FAM53B: variants seen among roughly 807,000 people sequenced by gnomAD.
The protein encoded by FAM53B is family with sequence similarity 53 member B, also known as protein FAM53B.
FAM53B carries 12 observed loss-of-function variants against 32.7 expected under a neutral mutation model. That is an observed-to-expected ratio of 0.37 (90% CI 0.24 to 0.59). The LOEUF (loss-of-function observed/expected upper bound fraction) is 0.59, where lower values mean the gene tolerates loss of function less well. Ranked by LOEUF, FAM53B falls within the 20% of genes least tolerant of loss-of-function variation. FAM53B has a pLI of 0.72. For synonymous variants in FAM53B, 234 were observed against 228.7 expected (o/e 1.02, Z -0.21); for missense variants, 477 against 577.7 (o/e 0.83, Z 1.79).
chr10:124,668,055 T>C (rs1034457622), intron 4 of FAM53B, among the ~76,000 whole-genome samples: 1 of 152,200 alleles, frequency 6.6e-6, no homozygotes, highest in Non-Finnish European at 1.5e-5. Flanking sequence ...GGCCAGACAC[T>C]GCCTTCCATT....
chr10:124,722,074 G>C (rs779477376), intron 1 of FAM53B, among the ~76,000 whole-genome samples: 2 of 152,168 alleles, frequency 1.3e-5, no homozygotes, highest in Non-Finnish European at 2.9e-5. Flanking sequence ...ATTTGTTAAA[G>C]GATACAAAAT....
At chr10:124,666,900 AGGGC>A (rs1949676290) in intron 4 of FAM53B, among the ~76,000 whole-genome samples, 1 of 152,232 alleles carries the variant, frequency 6.6e-6, no homozygotes, top group Non-Finnish European at 1.5e-5. Flanking sequence ...CCCGAGGCAG[AGGGC>A]ACAGCCCAGA....
intron 3 of FAM53B, among the ~76,000 whole-genome samples, chr10:124,684,322 A>G (rs964494909): frequency 2.0e-5 from 3 of 152,344 alleles, no homozygotes; most frequent in East Asian, 1.9e-4. Flanking sequence ...GCAGGTCTCA[A>G]TATCTGCTCC....
At chr10:124,647,347 G>GTGTT (rs1454415242) in intron 4 of FAM53B, among the ~76,000 whole-genome samples, 5 of 152,106 alleles carry the variant, frequency 3.3e-5, no homozygotes, top group African/African-American at 1.2e-4. Flanking sequence ...CAGGCCTCGG[G>GTGTT]TGTTTCTCTT....
At chr10:124,711,945 C>T (rs1056117234) in intron 1 of FAM53B, among the ~76,000 whole-genome samples, 3 of 151,720 alleles carry the variant, frequency 2.0e-5, no homozygotes, top group Non-Finnish European at 4.4e-5. Context: ...TGCCTGTAGT[C>T]GCAGGTACTC....
At chr10:124,697,268 G>A (rs750248572) in intron 2 of FAM53B, among the ~76,000 whole-genome samples, 8 of 152,138 alleles carry the variant, frequency 5.3e-5, no homozygotes, top group Non-Finnish European at 1.0e-4. Context: ...CCAGAGAAAT[G>A]AGCCTGTCAC....
At chr10:124,674,079 C>T (rs10901803) in intron 4 of FAM53B, among the ~76,000 whole-genome samples, 32 of 152,208 alleles carry the variant, frequency 2.1e-4, no homozygotes, top group Middle Eastern at 3.4e-3. Flanking sequence ...GCCTCTACCA[C>T]GTGGCAATAA....
At chr10:124,687,694 T>C (rs570556040) in intron 3 of FAM53B, among the ~76,000 whole-genome samples, 1 of 152,278 alleles carries the variant, frequency 6.6e-6, no homozygotes, top group East Asian at 1.9e-4. Context: ...TTGGGGGTGT[T>C]TGTTAAAATG....
At chr10:124,740,767 G>T (rs1248874583) in intron 1 of FAM53B, among the ~76,000 whole-genome samples, 1 of 152,342 alleles carries the variant, frequency 6.6e-6, no homozygotes, top group East Asian at 1.9e-4. Flanking sequence ...AGTTGAGGGA[G>T]AACAATCAAC....
At chr10:124,637,179 TC>T (rs570142613) in intron 4 of FAM53B, among the ~76,000 whole-genome samples, 41 of 152,132 alleles carry the variant, frequency 2.7e-4, no homozygotes, top group African/African-American at 9.6e-4. Context: ...TCTGGGGACC[TC>T]CATCTCTCCT....
At chr10:124,644,301 C>T (rs1246345241) in intron 4 of FAM53B, among the ~76,000 whole-genome samples, 1 of 152,252 alleles carries the variant, frequency 6.6e-6, no homozygotes, top group Non-Finnish European at 1.5e-5. Context: ...CCAGTGACAG[C>T]TAAGACCGCA....
rs553656039 is a variant in FAM53B, at chr10:124,708,922, G to A, written c.-174-2035C>T. 2.6e-5 allele frequency among the ~76,000 whole-genome samples: 4 copies of A among 152,336 alleles called. No individual in the cohort carries two copies. The South Asian group carries it at 8.3e-4, about 32-fold the overall frequency. The stretch of plus-strand genomic sequence containing the variant: ...AGCTCTTGAAATACATTGTTTGAGT[G>A]GCCTTTGCCAAGTTACTCTCAGAGC... On this transcript the variant is annotated intron_variant, in intron 1 of 4. Coordinates refer to ENST00000337318, the MANE Select transcript of FAM53B (RefSeq NM_014661.4).
In FAM53B at chr10:124,744,018, G is replaced by A; in HGVS notation, c.-180C>T. On this transcript the variant is annotated 5_prime_UTR_variant, in exon 1 of 5. Transcript: ENST00000337318. The stretch of plus-strand genomic sequence containing the variant: ...CCCGGCCCCGGGTCGCTTACTGTGC[G>A]CGGCGGGGCGCTCCGGGCGCGGACC... 6.8e-6 allele frequency: 1 copy of A among 147,992 alleles called. No individual in the cohort carries two copies. Among genetic ancestry groups the A allele is most frequent in the South Asian group, 1.9e-4 (1 of 5,146 alleles). The allele number at this position is 147,992 out of a possible 1,614,324, so 9.2% of individuals were successfully genotyped here.
chr10:124,703,721 G>A (rs1589756380), intron 2 of FAM53B: 1 of 152,446 alleles, frequency 6.6e-6, no homozygotes, highest in East Asian at 1.9e-4. Flanking sequence ...GGGTGGTTCT[G>A]GGCCCGGACA....
intron 1 of FAM53B, among the ~76,000 whole-genome samples, chr10:124,709,642 C>T (rs1455826487): frequency 6.6e-6 from 1 of 152,132 alleles, no homozygotes; most frequent in Non-Finnish European, 1.5e-5. Context: ...AACCTAGCTG[C>T]CTACAAGCAG....
Position 124,701,761 on chromosome 10 carries a change from A to G in FAM53B, c.78+4875T>C, listed in dbSNP as rs566064590. Among the ~76,000 whole-genome samples the G allele has an allele frequency of 6.7e-5, 10 of 149,156 alleles. No individual in the cohort carries two copies. In the East Asian group the frequency reaches 9.9e-4, roughly 15 times the overall value. ...CGGCAGTGCAAGCGAAGCCAGGGCC[A>G]TGGGCACAGCTGAGCCTCAGGGCCA... On this transcript the variant is annotated intron_variant, in intron 2 of 4. Coordinates refer to ENST00000337318, the MANE Select transcript of FAM53B (RefSeq NM_014661.4).
chr10:124,689,267 G>C (rs529442450), intron 3 of FAM53B, among the ~76,000 whole-genome samples: 7 of 152,154 alleles, frequency 4.6e-5, no homozygotes, highest in Non-Finnish European at 2.9e-5. Context: ...AAAGAACATG[G>C]GGGTGGGGGG....
intron 4 of FAM53B, among the ~76,000 whole-genome samples, chr10:124,663,754 G>A (rs1215793059): frequency 6.6e-6 from 1 of 152,062 alleles, no homozygotes; most frequent in Non-Finnish European, 1.5e-5. Context: ...TTCGTCATGG[G>A]CCTTCATTTA....
At chr10:124,715,362 C>T (rs530601724) in intron 1 of FAM53B, among the ~76,000 whole-genome samples, 2 of 152,162 alleles carry the variant, frequency 1.3e-5, no homozygotes, top group Admixed American at 6.5e-5. Context: ...GGTGGGTAAC[C>T]TGCAGAGGGT....
Sources: allele counts gnomAD v4.1 joint callset (sites outside exome capture counted in the v4.1 genomes callset), GRCh38; gene constraint gnomAD v4.1.1; transcripts MANE v1.5; gene names NCBI Gene and HGNC (gene_info 2026-07-23, HGNC 2026-07-21).